Variants in ATG7 observed in about 807,000 individuals in gnomAD.
ATG7 encodes the protein ubiquitin-like modifier-activating enzyme ATG7.
Under a neutral mutation model 82.4 loss-of-function variants are expected in ATG7, and 70 were observed. The observed-to-expected ratio is 0.85, with a 90% CI of 0.70 to 1.04. The LOEUF is 1.04. Among genes scored for constraint, ATG7 ranks in the 50% least tolerant of loss-of-function variants. The pLI, the probability that ATG7 is intolerant of heterozygous loss-of-function variation, is 0.00. For missense variants in ATG7, 792 were observed against 864.3 expected (o/e 0.92, Z 1.05); for synonymous variants, 287 against 313.0 (o/e 0.92, Z 0.88).
chr3:11,327,531 T>C (rs1179484524), intron 9 of ATG7, among the ~76,000 whole-genome samples: 1 of 152,226 alleles, frequency 6.6e-6, no homozygotes, highest in Non-Finnish European at 1.5e-5. Context: ...ATCAAGCTTC[T>C]AGGCAATTCT....
At chr3:11,564,975 C>T in the ATG7 span, 14 of 1,535,390 alleles carry the variant, frequency 9.1e-6, no homozygotes, top group Middle Eastern at 1.7e-4. Flanking sequence ...GCTGCGGCTC[C>T]GCTCCCGGGG....
At chr3:11,509,473 G>A (rs2091931909) in intron 20 of ATG7, among the ~76,000 whole-genome samples, 1 of 152,018 alleles carries the variant, frequency 6.6e-6, no homozygotes, top group Non-Finnish European at 1.5e-5. Context: ...ACAAAGCCTG[G>A]TGCAACTCCT....
At chr3:11,279,410 G>T (rs1358048662) in intron 1 of ATG7, among the ~76,000 whole-genome samples, 1 of 152,214 alleles carries the variant, frequency 6.6e-6, no homozygotes, top group Non-Finnish European at 1.5e-5. Context: ...GCTTGGCTGG[G>T]TGTGGTGGCT....
rs1348240790 is a variant in ATG7 at position 11,509,823 on chromosome 3, GCTCCAGTGGTGTTTAAATAT to G, written c.2080-44985_2080-44966del. On this transcript the variant is annotated intron_variant, in intron 20 of 20. Coordinates refer to ENST00000693202, the MANE Select transcript of ATG7 (RefSeq NM_001349232.2). ...CACTCAAATTTTCCCTGACTCAGTT[GCTCCAGTGGTGTTTAAATAT>G]CTTCCCATAAATCAGGCAGCCAGCG... 7.2e-5 allele frequency among the ~76,000 whole-genome samples: 11 copies of G among 152,312 alleles called. No individual in the cohort carries two copies. The East Asian group carries it at 2.1e-3, about 29-fold the overall frequency.
intron 20 of ATG7, among the ~76,000 whole-genome samples, chr3:11,552,009 G>A (rs990903079): frequency 8.5e-5 from 13 of 152,096 alleles, no homozygotes; most frequent in African/African-American, 3.1e-4. Context: ...TTGGCCTCCC[G>A]AAGTGCTGGG....
intron 19 of ATG7, among the ~76,000 whole-genome samples, chr3:11,408,591 C>G (rs1261754828): frequency 6.6e-6 from 1 of 152,172 alleles, no homozygotes; most frequent in Admixed American, 6.5e-5. Context: ...ACTTACAGTT[C>G]CACATGGTTG....
intron 9 of ATG7, among the ~76,000 whole-genome samples, chr3:11,317,350 T>G (rs1240963339): frequency 6.6e-6 from 1 of 152,186 alleles, no homozygotes; most frequent in Non-Finnish European, 1.5e-5. Flanking sequence ...TTGTATGTGG[T>G]AAATAAGTGG....
the ATG7 span, among the ~76,000 whole-genome samples, chr3:11,567,055 G>A: frequency 6.6e-6 from 1 of 152,124 alleles, no homozygotes. Context: ...AGCTGCTAAG[G>A]GCTGAGCAGG....
intron 19 of ATG7, among the ~76,000 whole-genome samples, chr3:11,388,712 G>A (rs2078520196): frequency 6.6e-6 from 1 of 151,976 alleles, no homozygotes; most frequent in Non-Finnish European, 1.5e-5. Context: ...ACAGGTGTGA[G>A]CCACTGCGCC....
At chr3:11,569,779 G>A in the ATG7 span, among the ~76,000 whole-genome samples, 1 of 152,204 alleles carries the variant, frequency 6.6e-6, no homozygotes, top group Non-Finnish European at 1.5e-5. Context: ...CTACTTGGAG[G>A]CTGAAGTGGG....
At chr3:11,571,240 T>C in the ATG7 span, among the ~76,000 whole-genome samples, 1 of 152,112 alleles carries the variant, frequency 6.6e-6, no homozygotes, top group Non-Finnish European at 1.5e-5. Flanking sequence ...CTGCCTTCTA[T>C]GCGTCAGCAA....
intron 20 of ATG7, among the ~76,000 whole-genome samples, chr3:11,498,938 A>G (rs565096189): frequency 2.0e-5 from 3 of 152,266 alleles, no homozygotes; most frequent in East Asian, 1.9e-4. Context: ...GAGTTCAGCT[A>G]TGAGCTCTTG....
At chr3:11,525,405 A>C (rs565728166) in intron 20 of ATG7, among the ~76,000 whole-genome samples, 1 of 150,572 alleles carries the variant, frequency 6.6e-6, no homozygotes, top group African/African-American at 2.5e-5. Context: ...CTTTAGCCTG[A>C]ATGATTAACT....
Position 11,501,158 on chromosome 3 carries a change from G to T in ATG7, c.2080-53653G>T, listed in dbSNP as rs185667440. ...AGTCCCAGCTACCTGGGATGCTGAG[G>T]TGGGAGGATCACTTGATCCTGGGAA... On this transcript the variant is annotated intron_variant, in intron 20 of 20. Coordinates refer to ENST00000693202, the MANE Select transcript of ATG7 (RefSeq NM_001349232.2). Among the ~76,000 whole-genome samples the T allele has an allele frequency of 1.9e-3, 286 of 152,364 alleles. 1 individual carries two copies. The highest frequency in any genetic ancestry group is 6.4e-3 in the African/African-American group (265 of 41,584).
intron 20 of ATG7, among the ~76,000 whole-genome samples, chr3:11,490,180 A>G (rs957637019): frequency 1.3e-5 from 2 of 152,136 alleles, no homozygotes; most frequent in Non-Finnish European, 2.9e-5. Flanking sequence ...GTGCATATAT[A>G]TTTACGATAG....
intron 11 of ATG7, among the ~76,000 whole-genome samples, chr3:11,340,029 C>A (rs1026774317): frequency 3.3e-5 from 5 of 152,154 alleles, no homozygotes; most frequent in Non-Finnish European, 5.9e-5. Context: ...ATTGGAGTTA[C>A]AGAGGCTCCC....
intron 19 of ATG7, among the ~76,000 whole-genome samples, chr3:11,402,073 G>T (rs1401871085): frequency 6.6e-6 from 1 of 152,130 alleles, no homozygotes; most frequent in Non-Finnish European, 1.5e-5. Context: ...TAATAACAGG[G>T]TGGTCGCAGG....
At chr3:11,408,151 G>A (rs963104650) in intron 19 of ATG7, among the ~76,000 whole-genome samples, 8 of 152,126 alleles carry the variant, frequency 5.3e-5, no homozygotes, top group African/African-American at 1.7e-4. Flanking sequence ...AATTTCTTCT[G>A]CCAGATACTC....
intron 19 of ATG7, among the ~76,000 whole-genome samples, chr3:11,399,773 C>G (rs1331339422): frequency 6.6e-6 from 1 of 152,140 alleles, no homozygotes; most frequent in Non-Finnish European, 1.5e-5. Context: ...AGAGCTTCAC[C>G]ATGTTGGTCA....
Sources: allele counts gnomAD v4.1 joint callset (sites outside exome capture counted in the v4.1 genomes callset), GRCh38; gene constraint gnomAD v4.1.1; transcripts MANE v1.5; gene names NCBI Gene and HGNC (gene_info 2026-07-23, HGNC 2026-07-21).